ARHGEF18: variants seen among roughly 807,000 people sequenced by gnomAD.
The protein encoded by ARHGEF18 is Rho/Rac guanine nucleotide exchange factor 18, also known as rho guanine nucleotide exchange factor 18.
A neutral mutation model predicts 155.7 loss-of-function variants in ARHGEF18; 93 were observed. The ratio of observed to expected loss-of-function variants is 0.60; its 90% CI spans 0.50 to 0.71. The LOEUF (loss-of-function observed/expected upper bound fraction) is 0.71. Ranked by LOEUF, ARHGEF18 falls within the 30% of genes least tolerant of loss-of-function variation. ARHGEF18 has a pLI of 0.00. For missense variants in ARHGEF18, 1,593 were observed against 1,816.1 expected, an observed-to-expected ratio of 0.88 and a Z score of 2.23; for synonymous variants, 742 against 753.1, an observed-to-expected ratio of 0.99 and a Z score of 0.24.
rs1463308440 is a variant in ARHGEF18, at chr19:7,350,763, GGTGGGTGTGTGTGTGTGTGTGTGTGT to G, written c.-111+1526_-111+1551del. 6.0e-5 allele frequency among the ~76,000 whole-genome samples: 8 copies of G among 133,252 alleles called. No individual in the cohort carries two copies. The South Asian group carries it at 9.9e-4, about 17-fold the overall frequency. 87.4% of individuals were successfully genotyped at this position (133,252 alleles called of 152,430 possible). A position where few individuals can be genotyped will look rare whatever the true frequency, so the allele number is the denominator to read the frequency against. Reference sequence around the variant, plus strand: ...GTTAAAAGGCTGTTGAGTTTTTTGGGGTGGGTGTGTGTGTGTGTGTGTGTGTGTGTGTGTGTGTGTGTGTGTGTGTG... The same window carrying G: ...GTTAAAAGGCTGTTGAGTTTTTTGGGGTGTGTGTGTGTGTGTGTGTGTGTG... On this transcript the variant is annotated intron_variant, in intron 1 of 28. Transcript: ENST00000668164.
chr19:7,372,096 C>T (rs764576826), intron 2 of ARHGEF18, among the ~76,000 whole-genome samples: 2 of 152,310 alleles, frequency 1.3e-5, no homozygotes, highest in Middle Eastern at 3.4e-3. Context: ...GCACTGGCCT[C>T]GCATGGAGCC....
Position 7,467,511 on chromosome 19 carries a change from G to C in ARHGEF18, c.3307G>C (p.Glu1103Gln). ...GGCGCGGCAGCTACGCGAGCGGCTG[G>C]AGCAGGAGCGGGCCGAGCTGGAGCG... ...GEARQLRERL[E>Q]QERAELERQR... Residue 1103 changes from glutamate to glutamine, a missense_variant, in exon 26 of 29, where the codon GAG becomes CAG. Coordinates refer to ENST00000668164, the MANE Select transcript of ARHGEF18 (RefSeq NM_001367823.1). The C allele has an allele frequency of 7.0e-7, 1 of 1,434,024 alleles. No individual in the cohort carries two copies. The highest frequency in any genetic ancestry group is 2.9e-5 in the East Asian group (1 of 34,972). The allele number at this position is 1,434,024 out of a possible 1,614,324, so 88.8% of individuals were successfully genotyped here.
chr19:7,412,324 G>C (rs75361499), intron 10 of ARHGEF18, among the ~76,000 whole-genome samples: 3 of 34,654 alleles, frequency 8.7e-5, no homozygotes, highest in Non-Finnish European at 2.5e-4. Flanking sequence ...CTATGCTAGG[G>C]TTTTTAGGAA....
chr19:7,466,826 A>AAAAAT, intron 23 of ARHGEF18, 92 bp from the exon 24 acceptor site: 7 of 1,057,228 alleles, frequency 6.6e-6, no homozygotes, highest in South Asian at 2.9e-5. Context: ...AAAAAAAAAA[A>AAAAAT]GTTAAAAAAA....
rs1315961701 is a variant in ARHGEF18, at chr19:7,440,749, G to C, written c.1106+267G>C. ...GATCCTTGGACTCGCTCCTTAGGCC[G>C]GGCTCCTGACTTACTCAAGGCGATG... is the stretch of plus-strand genomic sequence containing the variant. On this transcript the variant is annotated intron_variant, in intron 11 of 28. Transcript: ENST00000668164. This position sits in a 1 kb window ranked among gnomAD's most constrained non-coding sequence, Gnocchi z 5.4. 6.6e-6 allele frequency among the ~76,000 whole-genome samples: 1 copy of C among 152,086 alleles called. No homozygotes were observed. Among genetic ancestry groups the C allele is most frequent in the Admixed American group, 6.6e-5 (1 of 15,250 alleles).
chr19:7,446,311 G>T (rs549576876), intron 14 of ARHGEF18, among the ~76,000 whole-genome samples: 56 of 152,084 alleles, frequency 3.7e-4, no homozygotes, highest in Non-Finnish European at 7.4e-4. Flanking sequence ...GGCAGAGGTT[G>T]CAGTGAGCCA....
chr19:7,453,384 CA>C (rs1191817811), intron 16 of ARHGEF18, 82 bp from the exon 17 acceptor site: 1 of 1,496,008 alleles, frequency 6.7e-7, no homozygotes, highest in East Asian at 2.3e-5. Context: ...CTCATAGATC[CA>C]CATGTCCATA....
chr19:7,458,479 G>A (rs776958150), intron 18 of ARHGEF18, 33 bp from the exon 19 acceptor site: 1 of 1,601,022 alleles, frequency 6.2e-7, no homozygotes, highest in South Asian at 1.1e-5. Context: ...GTGGGGTAAA[G>A]GGTGACCTCC....
chr19:7,389,972 C>A (rs1393348740), intron 10 of ARHGEF18, among the ~76,000 whole-genome samples: 1 of 152,010 alleles, frequency 6.6e-6, no homozygotes, highest in East Asian at 1.9e-4. Flanking sequence ...GAGGCTGAGG[C>A]AGGAGGATCC....
At chr19:7,372,216 G>C (rs1970237380) in intron 2 of ARHGEF18, among the ~76,000 whole-genome samples, 2 of 152,192 alleles carry the variant, frequency 1.3e-5, no homozygotes, top group Non-Finnish European at 2.9e-5. Context: ...CAGCCCAGAG[G>C]AAGGGCACCT....
rs1424342468 is a variant in ARHGEF18, at chr19:7,372,831, G to A, written c.35G>A (p.Arg12Gln). Residue 12 changes from arginine (R) to glutamine (Q), a missense_variant, in exon 3 of 29, where the codon CGG (arginine) becomes CAG (glutamine). By Grantham distance (43) the Arg-to-Gln change is conservative. Coordinates refer to ENST00000668164, the MANE Select transcript of ARHGEF18 (RefSeq NM_001367823.1). Reference sequence around the variant, plus strand: ...CTACAGGAGGATGATTTTCCCAGGCGGCTCAGCGAGAGTATGGAGGACCTC... The same window carrying A: ...CTACAGGAGGATGATTTTCCCAGGCAGCTCAGCGAGAGTATGGAGGACCTC... ...GDDQEDDFPR[R>Q]LSESMEDLSL... 9.7e-6 allele frequency: 12 copies of A among 1,234,348 alleles called. No homozygotes were observed. Among genetic ancestry groups the A allele is most frequent in the East Asian group, 6.3e-5 (2 of 31,720 alleles). The allele number at this position is 1,234,348 out of a possible 1,614,324, so 76.5% of individuals were successfully genotyped here.
chr19:7,453,604 T>C lies in ARHGEF18; in HGVS notation c.1993T>C (p.Ser665Pro), dbSNP rs1373059965. 1 of 1,613,388 alleles carries C rather than the reference T, an allele frequency of 6.2e-7. No individual in the cohort carries two copies. The highest frequency in any genetic ancestry group is 1.7e-5 in the Admixed American group (1 of 59,970). The stretch of plus-strand genomic sequence containing the variant: ...GATCGCAGGGAAGATGGACCTGAAG[T>C]CTTCCAGCAAACTCAAGAACGGGCT... ...REIAGKMDLK[S>P]SSKLKNGLTF... is the part of the protein sequence containing the mutation. The change falls in exon 17 of 29, where the codon TCT (serine) becomes CCT (proline). Residue 665 changes from serine (S) to proline (P), a missense_variant. By Grantham distance (74) the Ser-to-Pro change is moderately conservative. Transcript: ENST00000668164.
downstream of ARHGEF18, among the ~76,000 whole-genome samples, chr19:7,474,188 A>G (rs923840715): frequency 6.6e-6 from 1 of 151,752 alleles, no homozygotes; most frequent in Non-Finnish European, 1.5e-5. Flanking sequence ...AAAACACAAA[A>G]ATCAGCCGGG....
intron 18 of ARHGEF18, among the ~76,000 whole-genome samples, chr19:7,457,786 A>G (rs1317551067): frequency 6.6e-6 from 1 of 152,014 alleles, no homozygotes; most frequent in Non-Finnish European, 1.5e-5. Context: ...TAAAATGTGC[A>G]TTTTGCTGGT....
rs796920206 is a variant in ARHGEF18, at chr19:7,376,072, T to C, written c.426+202T>C. Reference sequence around the variant, plus strand: ...CAGCCTAGGCCTGAAGGGATTTCCCTGGGTAAGCATCTGGGGCAGGCCATG... The same window carrying C: ...CAGCCTAGGCCTGAAGGGATTTCCCCGGGTAAGCATCTGGGGCAGGCCATG... On this transcript the variant is annotated intron_variant, in intron 4 of 28. Coordinates refer to ENST00000668164, the MANE Select transcript of ARHGEF18 (RefSeq NM_001367823.1). Among the ~76,000 whole-genome samples, 12 of 152,200 alleles carry C rather than the reference T, an allele frequency of 7.9e-5. 1 individual carries two copies. The highest frequency in any genetic ancestry group is 2.9e-4 in the African/African-American group (12 of 41,522).
At chr19:7,363,743 G>A (rs1969738781) in intron 2 of ARHGEF18, among the ~76,000 whole-genome samples, 1 of 150,804 alleles carries the variant, frequency 6.6e-6, no homozygotes, top group Admixed American at 6.6e-5. Context: ...TGAAAGGAAG[G>A]AAGATGGCTA....
At chr19:7,453,758 G>C (rs773914314) in intron 17 of ARHGEF18, 43 bp downstream of exon 17, 2 of 1,507,674 alleles carry the variant, frequency 1.3e-6, no homozygotes, top group South Asian at 2.7e-5. Context: ...TGCCATCTTG[G>C]ATCAGTGGGC....
chr19:7,371,758 T>C (rs1041674345), intron 2 of ARHGEF18, among the ~76,000 whole-genome samples: 1 of 151,782 alleles, frequency 6.6e-6, no homozygotes, highest in East Asian at 1.9e-4. Flanking sequence ...GAGGTGAAGG[T>C]TGCAGTGAGC....
rs552819806 is a variant in ARHGEF18 at position 7,413,402 on chromosome 19, C to T, written c.968-26942C>T. Among the ~76,000 whole-genome samples, 86 of 151,540 alleles carry T rather than the reference C, an allele frequency of 5.7e-4. 2 individuals carry two copies. The East Asian group carries it at 0.014, about 24-fold the overall frequency. ...CTGCAAGCTCCACCTCCTGGGTTCA[C>T]GCCATTCTCCTGCCTCAGCCTCCCA... On this transcript the variant is annotated intron_variant, in intron 10 of 28. Transcript: ENST00000668164.
Sources: allele counts gnomAD v4.1 joint callset (sites outside exome capture counted in the v4.1 genomes callset), GRCh38; gene constraint gnomAD v4.1.1; non-coding constraint Gnocchi (gnomAD v3.1); transcripts MANE v1.5; gene names NCBI Gene and HGNC (gene_info 2026-07-23, HGNC 2026-07-21).